The following PLXDC2 variants were observed in gnomAD, a reference collection of about 807,000 sequenced individuals.
PLXDC2 encodes plexin domain containing 2, also known as plexin domain-containing protein 2.
PLXDC2 carries 40 observed loss-of-function variants against 68.9 expected under a neutral mutation model. The ratio of observed to expected loss-of-function variants is 0.58; its 90% CI spans 0.45 to 0.76. The LOEUF is 0.76. PLXDC2 is among the 30% of genes least tolerant of loss of function. The pLI is 0.00. For synonymous variants in PLXDC2, 243 were observed against 234.2 expected, an observed-to-expected ratio of 1.04 and a Z score of -0.34; for missense variants, 644 against 661.9, an observed-to-expected ratio of 0.97 and a Z score of 0.30.
chr10:20,137,262 A>G (rs1833946526), intron 4 of PLXDC2, among the ~76,000 whole-genome samples: 1 of 152,212 alleles, frequency 6.6e-6, no homozygotes, highest in Non-Finnish European at 1.5e-5. Flanking sequence ...ACTTTTAAGC[A>G]TTCGTCTTGT....
chr10:19,951,995 G>T (rs189899028), intron 1 of PLXDC2, among the ~76,000 whole-genome samples: 11 of 152,118 alleles, frequency 7.2e-5, no homozygotes, highest in African/African-American at 2.7e-4. Context: ...GAGACTACAC[G>T]GTGAGGGGGG....
intron 13 of PLXDC2, among the ~76,000 whole-genome samples, chr10:20,256,549 A>C (rs1043728271): frequency 6.6e-6 from 1 of 152,214 alleles, no homozygotes; most frequent in African/African-American, 2.4e-5. Flanking sequence ...TACAAAAGTA[A>C]AATAAATTTG....
intron 1 of PLXDC2, among the ~76,000 whole-genome samples, chr10:19,856,050 G>A (rs189202598): frequency 2.8e-4 from 42 of 152,248 alleles, no homozygotes; most frequent in Admixed American, 2.3e-3. Context: ...AGCCAAGATC[G>A]TGCCACTGCA....
At chr10:20,025,268 CTTT>C (rs56863692) in intron 2 of PLXDC2, among the ~76,000 whole-genome samples, 1 of 144,982 alleles carries the variant, frequency 6.9e-6, no homozygotes, top group African/African-American at 2.5e-5. Context: ...GTTTTTTCGA[CTTT>C]TTTTTTTTTT....
At chr10:20,126,837 ATAT>A (rs1833798030) in intron 4 of PLXDC2, among the ~76,000 whole-genome samples, 1 of 147,886 alleles carries the variant, frequency 6.8e-6, no homozygotes, top group Non-Finnish European at 1.5e-5. Flanking sequence ...TATATATAAT[ATAT>A]GATATATACA....
chr10:19,823,092 T>C (rs190022467), intron 1 of PLXDC2, among the ~76,000 whole-genome samples: 1,817 of 151,966 alleles, frequency 0.012, 16 homozygotes, highest in Non-Finnish European at 0.018. Flanking sequence ...ATTTTTTGTA[T>C]TTTTTAGTAG....
intron 4 of PLXDC2, among the ~76,000 whole-genome samples, chr10:20,123,561 G>A (rs1833728888): frequency 1.3e-5 from 2 of 152,138 alleles, no homozygotes; most frequent in African/African-American, 4.8e-5. Context: ...TTTAGGTCAG[G>A]TGAGAGTTGA....
At chr10:20,033,646 A>T (rs941259232) in intron 2 of PLXDC2, among the ~76,000 whole-genome samples, 1 of 152,280 alleles carries the variant, frequency 6.6e-6, no homozygotes, top group African/African-American at 2.4e-5. Flanking sequence ...ACTTCCCTTT[A>T]TAAAACCATC....
intron 1 of PLXDC2, among the ~76,000 whole-genome samples, chr10:19,927,723 A>AAAAAAAAAAAAAAAAAAC (rs1833562676): frequency 6.7e-6 from 1 of 150,312 alleles, no homozygotes; most frequent in African/African-American, 2.4e-5. Flanking sequence ...CAAAAAAAAA[A>AAAAAAAAAAAAAAAAAAC]AAAAAAAAAA....
intron 1 of PLXDC2, among the ~76,000 whole-genome samples, chr10:19,925,982 T>G (rs1833532704): frequency 6.6e-6 from 1 of 152,212 alleles, no homozygotes; most frequent in South Asian, 2.1e-4. Flanking sequence ...ATATGAACGC[T>G]CAATGTATCC....
intron 12 of PLXDC2, among the ~76,000 whole-genome samples, chr10:20,237,493 A>C (rs2131884833): frequency 6.6e-6 from 1 of 152,354 alleles, no homozygotes; most frequent in Admixed American, 6.5e-5. Flanking sequence ...TAAGAGAGAA[A>C]ATAAATGAGC....
chr10:20,103,591 TGAGAGAGA>T (rs57564391), intron 4 of PLXDC2, among the ~76,000 whole-genome samples: 4 of 145,850 alleles, frequency 2.7e-5, no homozygotes, highest in African/African-American at 5.0e-5. Flanking sequence ...GGTTTGTGTG[TGAGAGAGA>T]GAGAGAGAGA....
intron 12 of PLXDC2, among the ~76,000 whole-genome samples, chr10:20,224,141 T>C (rs1835255769): frequency 1.3e-5 from 2 of 152,074 alleles, no homozygotes; most frequent in South Asian, 2.1e-4. Flanking sequence ...GCCCGGCTAA[T>C]TTTTGTATTT....
At chr10:19,993,286 T>G (rs1367706579) in intron 1 of PLXDC2, among the ~76,000 whole-genome samples, 4 of 150,018 alleles carry the variant, frequency 2.7e-5, no homozygotes, top group Non-Finnish European at 5.9e-5. Flanking sequence ...CTTGGCATAC[T>G]TTATATTTTC....
intron 4 of PLXDC2, among the ~76,000 whole-genome samples, chr10:20,132,070 C>A (rs1159238739): frequency 6.6e-6 from 1 of 152,124 alleles, no homozygotes; most frequent in Non-Finnish European, 1.5e-5. Flanking sequence ...CTCAAGATAT[C>A]TTTTAAGATC....
chr10:20,044,211 G>GTCTGTCTTTCTTTCTT (rs1486556031), intron 2 of PLXDC2, among the ~76,000 whole-genome samples: 3 of 68,548 alleles, frequency 4.4e-5, no homozygotes, highest in Non-Finnish European at 6.1e-5. Flanking sequence ...CTCTCTCTCT[G>GTCTGTCTTTCTTTCTT]TCTTTCTTTC....
chr10:19,914,173 T>G (rs1052162624), intron 1 of PLXDC2, among the ~76,000 whole-genome samples: 9 of 151,782 alleles, frequency 5.9e-5, no homozygotes, highest in Admixed American at 2.6e-4. Context: ...AAGGAATACA[T>G]CAAGTGAAAT....
chr10:19,819,018 A>G (rs536176818), intron 1 of PLXDC2, among the ~76,000 whole-genome samples: 67 of 141,808 alleles, frequency 4.7e-4, no homozygotes, highest in African/African-American at 1.7e-3. Context: ...TTACTGAAAA[A>G]AGAATATATG....
intron 1 of PLXDC2, among the ~76,000 whole-genome samples, chr10:19,839,072 G>T (rs941788750): frequency 6.6e-6 from 1 of 151,888 alleles, no homozygotes; most frequent in Admixed American, 6.6e-5. Context: ...TGTAATGCCA[G>T]CTACTCAGGA....
Sources: gnomAD v4.1 joint callset for allele counts (sites outside exome capture counted in the v4.1 genomes callset) on GRCh38, gnomAD v4.1.1 for gene constraint, MANE v1.5 for transcripts, NCBI Gene and HGNC (gene_info 2026-07-23, HGNC 2026-07-21) for gene names.